BNIP5: variants seen among roughly 807,000 people sequenced by gnomAD.
BNIP5 encodes BCL2 interacting protein 5, also known as protein BNIP5.
In BNIP5, 61 loss-of-function variants were observed where a neutral mutation model predicts 67.3. That is an observed-to-expected ratio of 0.91 (90% CI 0.74 to 1.12). The LOEUF (loss-of-function observed/expected upper bound fraction) is 1.12. BNIP5 is among the 50% of genes most tolerant of loss of function. The pLI, the probability that BNIP5 is intolerant of heterozygous loss-of-function variation, is 0.00. For synonymous variants in BNIP5, 317 were observed against 319.0 expected (o/e 0.99, Z 0.07); for missense variants, 826 against 816.3 (o/e 1.01, Z -0.14).
intron 8 of BNIP5, among the ~76,000 whole-genome samples, chr6:36,323,038 T>G (rs1771670361): frequency 6.6e-6 from 1 of 152,138 alleles, no homozygotes; most frequent in Non-Finnish European, 1.5e-5. Context: ...GTTAAGTGTT[T>G]GTGTGTGGAG....
intron 1 of BNIP5, among the ~76,000 whole-genome samples, chr6:36,336,208 C>T (rs560077218): frequency 6.6e-6 from 1 of 152,288 alleles, no homozygotes; most frequent in African/African-American, 2.4e-5. Flanking sequence ...TTCCAAAAAC[C>T]TTAAAACTCA....
chr6:36,326,821 A>G (rs1771774571), intron 4 of BNIP5, 68 bp from the exon 5 acceptor site: 1 of 1,598,998 alleles, frequency 6.3e-7, no homozygotes, highest in Non-Finnish European at 8.5e-7. Context: ...TCTGGAGGCA[A>G]GTGAAGAGCA....
At chr6:36,324,575 TTATATATATATA>T (rs58409463) in intron 6 of BNIP5, among the ~76,000 whole-genome samples, 3 of 50,834 alleles carry the variant, frequency 5.9e-5, no homozygotes, top group Admixed American at 3.0e-4. Context: ...GACGGTGATA[TTATATATATATA>T]TATATATATA....
At chr6:36,325,180 G>T in intron 6 of BNIP5, 103 bp downstream of exon 6, 1 of 1,310,984 alleles carries the variant, frequency 7.6e-7, no homozygotes, top group Non-Finnish European at 1.1e-6. Flanking sequence ...AGGGAGGTCT[G>T]GACAGGTCAC....
intron 7 of BNIP5, 80 bp downstream of exon 7, chr6:36,324,049 G>A: frequency 2.0e-6 from 2 of 1,008,170 alleles, no homozygotes; most frequent in Non-Finnish European, 3.2e-6. Context: ...AAGAGCAGCA[G>A]AGACAGGGAA....
intron 10 of BNIP5, among the ~76,000 whole-genome samples, chr6:36,320,433 C>T (rs950059533): frequency 2.6e-5 from 4 of 152,210 alleles, no homozygotes; most frequent in Admixed American, 6.5e-5. Flanking sequence ...TTGAGGGTTG[C>T]TCATGGGGAA....
Position 36,322,345 on chromosome 6 carries a change from T to G in BNIP5, c.1569A>C (p.Glu523Asp). The G allele has an allele frequency of 6.2e-7, 1 of 1,614,192 alleles. No individual in the cohort carries two copies. ...APSQARGHTP[E>D]GAPQLSGACE... is the part of the protein sequence containing the mutation. ...ATGCTCCACTCAGCTGAGGTGCCCC[T>G]TCTGGCGTGTGGCCTCTAGCCTGGG... is the stretch of plus-strand genomic sequence containing the variant. The change falls in exon 9 of 12, where the codon GAA (glutamate) becomes GAC (aspartate). Residue 523 changes from glutamate to aspartate, a missense_variant. By Grantham distance (45) the Glu-to-Asp change is conservative. Coordinates refer to ENST00000437635, the MANE Select transcript of BNIP5 (RefSeq NM_001010903.5).
intron 6 of BNIP5, among the ~76,000 whole-genome samples, chr6:36,325,014 C>G (rs966709690): frequency 6.6e-6 from 1 of 152,126 alleles, no homozygotes; most frequent in African/African-American, 2.4e-5. Flanking sequence ...ATTGGCCGAG[C>G]CCTTGGTGTG....
chr6:36,326,756 G>C lies in BNIP5; in HGVS notation c.793-3C>G. The C allele has an allele frequency of 6.2e-7, 1 of 1,613,908 alleles. No homozygotes were observed. The highest frequency in any genetic ancestry group is 8.5e-7 in the Non-Finnish European group (1 of 1,180,024). On this transcript the variant is annotated splice_region_variant and splice_polypyrimidine_tract_variant and intron_variant, in intron 4 of 11. Coordinates refer to ENST00000437635, the MANE Select transcript of BNIP5 (RefSeq NM_001010903.5). ...CCCAGCTGTGAGGCCAGAGATTGCT[G>C]TTGGGGAGAGGAGAAAAACTGGTCA...
chr6:36,325,224 G>A (rs771196341), intron 6 of BNIP5, 59 bp downstream of exon 6: 2 of 1,560,530 alleles, frequency 1.3e-6, no homozygotes, highest in Admixed American at 1.7e-5. Flanking sequence ...CTTTGCAAGT[G>A]GGGGAGTCAG....
chr6:36,330,227 CTGGGCTTCTTGTCGTGG>C lies in BNIP5; in HGVS notation c.447_463del (p.His149GlnfsTer16), dbSNP rs767619209. On this transcript the variant is annotated frameshift_variant, in exon 2 of 12. Coordinates refer to ENST00000437635, the MANE Select transcript of BNIP5 (RefSeq NM_001010903.5). LOFTEE classifies it high-confidence loss of function. ...TTTCTTGTGACCTTGCTTCTTGCGG[CTGGGCTTCTTGTCGTGG>C]TGGGCTTTCTTCCTGAGGGCTGGCT... is the stretch of plus-strand genomic sequence containing the variant. The C allele has an allele frequency of 1.2e-6, 2 of 1,614,074 alleles. No homozygotes were observed. The highest frequency in any genetic ancestry group is 2.7e-5 in the African/African-American group (2 of 74,930).
chr6:36,323,443 T>G lies in BNIP5; in HGVS notation c.1321A>C (p.Arg441=). Residue 441 remains arginine (R), a synonymous_variant, in exon 8 of 12, where the codon AGA becomes CGA. Coordinates refer to ENST00000437635, the MANE Select transcript of BNIP5 (RefSeq NM_001010903.5). ...GTGTGTTTCTTATGGTAAAACGCTC[T>G]CCTGAAGCTCGACCTTTTTTCTTGA... ...KSQEKRSSFR[R]AFYHKKHTSK... 6.2e-7 allele frequency: 1 copy of G among 1,614,262 alleles called. No individual in the cohort carries two copies. The highest frequency in any genetic ancestry group is 1.1e-5 in the South Asian group (1 of 91,086).
At chr6:36,324,053 C>T in intron 7 of BNIP5, 76 bp downstream of exon 7, 2 of 1,040,872 alleles carry the variant, frequency 1.9e-6, no homozygotes, top group Non-Finnish European at 3.0e-6. Flanking sequence ...GCAGCAGAGA[C>T]AGGGAAGTTG....
chr6:36,317,210 A>G lies in BNIP5; in HGVS notation c.*146T>C, dbSNP rs1180585682. On this transcript the variant is annotated 3_prime_UTR_variant, in exon 12 of 12. Coordinates refer to ENST00000437635, the MANE Select transcript of BNIP5 (RefSeq NM_001010903.5). ...CTCTGTGCTTCTCAGATACTAGGGT[A>G]TGGACACAGAATGATTGTCTGCTCT... 4 of 749,736 alleles carry G rather than the reference A, an allele frequency of 5.3e-6. No homozygotes were observed. The highest frequency in any genetic ancestry group is 1.7e-5 in the African/African-American group (1 of 58,026). The allele number at this position is 749,736 out of a possible 1,614,324, so 46.4% of individuals were successfully genotyped here.
chr6:36,317,493 C>T, intron 11 of BNIP5, 102 bp from the exon 12 acceptor site: 1 of 970,048 alleles, frequency 1.0e-6, no homozygotes, highest in Non-Finnish European at 1.7e-6. Flanking sequence ...CACCCCACCC[C>T]AGCCTCCATC....
At position 36,319,433 on chromosome 6, in the gene BNIP5, T is replaced by C. The variant is rs147580875; in HGVS notation, c.1846A>G (p.Ser616Gly). The change falls in exon 11 of 12, where the codon AGC (serine) becomes GGC (glycine). Residue 616 changes from serine to glycine, a missense_variant. Ser to Gly is a moderately conservative substitution (Grantham distance 56). Coordinates refer to ENST00000437635, the MANE Select transcript of BNIP5 (RefSeq NM_001010903.5). ...SLANKFAGSNSHAMCILMGLR... is the reference protein window; with the variant it reads ...SLANKFAGSNGHAMCILMGLR... Reference sequence around the variant, plus strand: ...CCCATGAGGATGCACATGGCATGGCTGTTGCTGCCAGCAAATTTGTTAGCT... The same window carrying C: ...CCCATGAGGATGCACATGGCATGGCCGTTGCTGCCAGCAAATTTGTTAGCT... 25 of 1,614,190 alleles carry C rather than the reference T, an allele frequency of 1.5e-5. No homozygotes were observed. In the East Asian group the frequency reaches 2.0e-4, roughly 13 times the overall value.
chr6:36,330,980 T>G (rs923990153), intron 1 of BNIP5, among the ~76,000 whole-genome samples: 2 of 152,134 alleles, frequency 1.3e-5, no homozygotes, highest in African/African-American at 2.4e-5. Context: ...GCCAGGTTGG[T>G]CTTGAACTCC....
At chr6:36,327,592 A>G (rs189974634) in intron 3 of BNIP5, among the ~76,000 whole-genome samples, 1 of 152,280 alleles carries the variant, frequency 6.6e-6, no homozygotes, top group East Asian at 1.9e-4. Flanking sequence ...TGGGCTAACT[A>G]AGGTGGAGGA....
chr6:36,330,825 G>A (rs371096598), intron 1 of BNIP5, 131 bp from the exon 2 acceptor site: 50 of 1,190,144 alleles, frequency 4.2e-5, no homozygotes, highest in African/African-American at 3.4e-4. Context: ...GTGCAGTGGC[G>A]CTATCTCAGC....
Sources: allele counts gnomAD v4.1 joint callset (sites outside exome capture counted in the v4.1 genomes callset), GRCh38; gene constraint gnomAD v4.1.1; transcripts MANE v1.5; gene names NCBI Gene and HGNC (gene_info 2026-07-23, HGNC 2026-07-21).